Variants in MBOAT2 observed in about 807,000 individuals in gnomAD.
MBOAT2 encodes the protein membrane bound glycerophospholipid O-acyltransferase 2, also known as membrane-bound glycerophospholipid O-acyltransferase 2.
MBOAT2 carries 28 observed loss-of-function variants against 63.4 expected under a neutral mutation model. The observed-to-expected ratio is 0.44, with a 90% CI of 0.33 to 0.61. The LOEUF (loss-of-function observed/expected upper bound fraction) is 0.61, where lower values mean the gene tolerates loss of function less well. Ranked by LOEUF, MBOAT2 falls within the 20% of genes least tolerant of loss-of-function variation. MBOAT2 has a pLI of 0.03. For synonymous variants in MBOAT2, 211 were observed against 215.6 expected, an observed-to-expected ratio of 0.98 and a Z score of 0.19; for missense variants, 470 against 605.8, an observed-to-expected ratio of 0.78 and a Z score of 2.35.
At chr2:8,908,559 G>T (rs2148587864) in intron 4 of MBOAT2, 62 bp downstream of exon 4, 1 of 870,430 alleles carries the variant, frequency 1.1e-6, no homozygotes, top group Non-Finnish European at 1.9e-6. Flanking sequence ...AATATATTTT[G>T]TCCTTTAACC....
intron 1 of MBOAT2, among the ~76,000 whole-genome samples, chr2:9,002,507 T>C (rs981189626): frequency 6.6e-6 from 1 of 152,100 alleles, no homozygotes. Context: ...CCGTGTGAAG[T>C]CCAAACACTT....
intron 2 of MBOAT2, among the ~76,000 whole-genome samples, chr2:8,956,759 T>C (rs1157819096): frequency 6.6e-6 from 1 of 152,210 alleles, no homozygotes; most frequent in Admixed American, 6.5e-5. Flanking sequence ...TCAGACTACC[T>C]GACATTAACA....
At chr2:8,989,847 C>T (rs967553553) in intron 1 of MBOAT2, among the ~76,000 whole-genome samples, 12 of 152,180 alleles carry the variant, frequency 7.9e-5, no homozygotes, top group African/African-American at 2.9e-4. Flanking sequence ...ATAACCAACA[C>T]CTGATAAAAC....
chr2:8,949,613 T>C (rs1260581893), intron 2 of MBOAT2, among the ~76,000 whole-genome samples: 1 of 152,172 alleles, frequency 6.6e-6, no homozygotes, highest in Non-Finnish European at 1.5e-5. Context: ...TTCCCCACTC[T>C]TTATTTTTGT....
At chr2:8,942,601 A>G (rs1668132847) in intron 3 of MBOAT2, among the ~76,000 whole-genome samples, 1 of 152,186 alleles carries the variant, frequency 6.6e-6, no homozygotes, top group South Asian at 2.1e-4. Flanking sequence ...GGCTGAATAT[A>G]TACCCACTTG....
chr2:8,943,630 C>A (rs1172482728), intron 2 of MBOAT2, among the ~76,000 whole-genome samples: 1 of 152,196 alleles, frequency 6.6e-6, no homozygotes, highest in Non-Finnish European at 1.5e-5. Flanking sequence ...CCTGACAGAA[C>A]ATCGGTTGTT....
At position 9,003,353 on chromosome 2, in the gene MBOAT2, C is replaced by A. The variant is rs1672848713; in HGVS notation, c.75+187G>T. On this transcript the variant is annotated intron_variant, in intron 1 of 12. Transcript: ENST00000305997. The surrounding 1 kb of genome is among the most constrained non-coding windows in gnomAD (Gnocchi z 5.4). ...GGGGATGGCGGGCTGGGGGCGCACC[C>A]AGGAGGGAGGGGGCTCTGGGACAAT... 6.6e-6 allele frequency among the ~76,000 whole-genome samples: 1 copy of A among 151,916 alleles called. No individual in the cohort carries two copies. The highest frequency in any genetic ancestry group is 6.6e-5 in the Admixed American group (1 of 15,262).
intron 7 of MBOAT2, 140 bp from the exon 8 acceptor site, chr2:8,873,440 A>G: frequency 1.2e-6 from 1 of 834,914 alleles, no homozygotes; most frequent in Non-Finnish European, 1.8e-6. Context: ...GCTACATTGC[A>G]CTTGGCATTT....
chr2:8,860,723 T>G lies in MBOAT2; in HGVS notation c.1227A>C (p.Gln409His). ...TTATAACATCATAAAATAATTTCAGTTGGGAAGGTTCAATGAAATAATGTC... is the reference window on the plus strand; with the variant it reads ...TTATAACATCATAAAATAATTTCAGGTGGGAAGGTTCAATGAAATAATGTC... ...NFRHYFIEPS[Q>H]LKLFYDVITW... The change falls in exon 12 of 13, where the codon CAA (glutamine) becomes CAC (histidine). Residue 409 changes from glutamine to histidine, a missense_variant. Transcript: ENST00000305997. 1 of 1,602,240 alleles carries G rather than the reference T, an allele frequency of 6.2e-7. No homozygotes were observed. Among genetic ancestry groups the G allele is most frequent in the Non-Finnish European group, 8.5e-7 (1 of 1,170,466 alleles).
At chr2:8,910,108 T>C (rs1382328234) in intron 3 of MBOAT2, among the ~76,000 whole-genome samples, 1 of 152,096 alleles carries the variant, frequency 6.6e-6, no homozygotes, top group Non-Finnish European at 1.5e-5. Context: ...GGAAGAAGTG[T>C]GACCATCCTG....
At chr2:8,991,314 T>C (rs536836100) in intron 1 of MBOAT2, among the ~76,000 whole-genome samples, 1 of 152,324 alleles carries the variant, frequency 6.6e-6, no homozygotes, top group Admixed American at 6.5e-5. Flanking sequence ...GCCTTGACAA[T>C]GTAAACCAAT....
At chr2:8,886,181 C>T (rs1213175660) in intron 5 of MBOAT2, among the ~76,000 whole-genome samples, 1 of 152,234 alleles carries the variant, frequency 6.6e-6, no homozygotes, top group African/African-American at 2.4e-5. Flanking sequence ...CCCTGATGGA[C>T]ACTTCACAGG....
chr2:8,862,475 G>T lies in MBOAT2; in HGVS notation c.1185+115C>A. On this transcript the variant is annotated intron_variant, in intron 11 of 12. Coordinates refer to ENST00000305997, the MANE Select transcript of MBOAT2 (RefSeq NM_138799.4). This position sits in a 1 kb window ranked among gnomAD's most constrained non-coding sequence, Gnocchi z 4.3. ...TACACACCTCGCTTCTAGTGGAAAGGACAATACTGACCACGACCAAGGAAA... is the reference window on the plus strand; with the variant it reads ...TACACACCTCGCTTCTAGTGGAAAGTACAATACTGACCACGACCAAGGAAA... The T allele has an allele frequency of 7.2e-7, 1 of 1,397,946 alleles. No homozygotes were observed. The highest frequency in any genetic ancestry group is 9.8e-7 in the Non-Finnish European group (1 of 1,022,560). The allele number at this position is 1,397,946 out of a possible 1,614,324, so 86.6% of individuals were successfully genotyped here.
intron 4 of MBOAT2, among the ~76,000 whole-genome samples, chr2:8,896,283 T>C (rs2148565594): frequency 6.6e-6 from 1 of 151,322 alleles, no homozygotes. Flanking sequence ...TGTTGTCTGA[T>C]TGCAGAAGCC....
chr2:8,862,170 G>T lies in MBOAT2; in HGVS notation c.1185+420C>A. The T allele has an allele frequency of 2.0e-6, 1 of 503,714 alleles. No homozygotes were observed. The highest frequency in any genetic ancestry group is 3.1e-6 in the Non-Finnish European group (1 of 322,938). 31.2% of individuals were successfully genotyped at this position (503,714 alleles called of 1,614,324 possible). ...CTCTAAAGAACTGTGTCCTCTTCCA[G>T]TGTGGCTCATCCACTGTCTTGGCCT... On this transcript the variant is annotated intron_variant, in intron 11 of 12. Coordinates refer to ENST00000305997, the MANE Select transcript of MBOAT2 (RefSeq NM_138799.4). This position sits in a 1 kb window ranked among gnomAD's most constrained non-coding sequence, Gnocchi z 4.3.
chr2:8,953,279 T>C (rs144940226), intron 2 of MBOAT2, among the ~76,000 whole-genome samples: 1 of 152,340 alleles, frequency 6.6e-6, no homozygotes, highest in East Asian at 1.9e-4. Context: ...ATGCTGAAAA[T>C]AGCTCTCCAA....
intron 4 of MBOAT2, among the ~76,000 whole-genome samples, chr2:8,904,869 T>G (rs764420365): frequency 1.2e-4 from 19 of 152,348 alleles, no homozygotes; most frequent in Admixed American, 3.9e-4. Context: ...GAGGCTAACA[T>G]GAAACCAAAC....
chr2:8,968,098 C>T (rs1308324229), intron 1 of MBOAT2, among the ~76,000 whole-genome samples: 4 of 152,064 alleles, frequency 2.6e-5, no homozygotes, highest in Non-Finnish European at 5.9e-5. Flanking sequence ...GGGTCCCTGA[C>T]CCCCGAGAAG....
At chr2:8,903,928 C>T (rs182027313) in intron 4 of MBOAT2, among the ~76,000 whole-genome samples, 71 of 152,204 alleles carry the variant, frequency 4.7e-4, no homozygotes, top group Admixed American at 3.2e-3. Flanking sequence ...ATTTTACCTG[C>T]ATTAACATCA....
Sources: allele counts gnomAD v4.1 joint callset (sites outside exome capture counted in the v4.1 genomes callset), GRCh38; gene constraint gnomAD v4.1.1; non-coding constraint Gnocchi (gnomAD v3.1); transcripts MANE v1.5; gene names NCBI Gene and HGNC (gene_info 2026-07-23, HGNC 2026-07-21).